UBE2W: variants seen among roughly 807,000 people sequenced by gnomAD.
The protein encoded by UBE2W is ubiquitin conjugating enzyme E2 W, also known as ubiquitin-conjugating enzyme E2 W.
UBE2W carries 18 observed loss-of-function variants against 27.2 expected under a neutral mutation model. The ratio of observed to expected loss-of-function variants is 0.66; its 90% CI spans 0.46 to 0.98. The LOEUF (loss-of-function observed/expected upper bound fraction) is 0.98. Among genes scored for constraint, UBE2W ranks in the 50% least tolerant of loss-of-function variants. The probability of loss-of-function intolerance (pLI) is 0.00; values close to 1 mark genes in which losing one functional copy is unlikely to be tolerated. For synonymous variants in UBE2W, 53 were observed against 57.2 expected (o/e 0.93, Z 0.33); for missense variants, 90 against 180.2 (o/e 0.50, Z 2.87).
chr8:73,787,414 T>A lies in UBE2W; in HGVS notation c.*6688A>T, dbSNP rs1586428477. ...AAATCCTACTATGGAAAGTAGAAAT[T>A]AAGGATTATAATAAAGGAAAAGGGC... On this transcript the variant is annotated 3_prime_UTR_variant, in exon 6 of 6. Transcript: ENST00000602593. 1.0e-6 allele frequency: 1 copy of A among 985,298 alleles called. No individual in the cohort carries two copies. The allele number at this position is 985,298 out of a possible 1,614,324, so 61.0% of individuals were successfully genotyped here.
intron 5 of UBE2W, among the ~76,000 whole-genome samples, chr8:73,799,340 A>G (rs1450424715): frequency 6.6e-6 from 1 of 152,056 alleles, no homozygotes; most frequent in Non-Finnish European, 1.5e-5. Flanking sequence ...AATAATGTAG[A>G]AAACCACAAA....
chr8:73,859,549 C>G (rs1382816294), intron 1 of UBE2W, among the ~76,000 whole-genome samples: 1 of 152,122 alleles, frequency 6.6e-6, no homozygotes, highest in African/African-American at 2.4e-5. Context: ...CATTTTTTCT[C>G]TATCTTACTT....
At chr8:73,878,400 C>T (rs546529212) in intron 1 of UBE2W, among the ~76,000 whole-genome samples, 1 of 152,344 alleles carries the variant, frequency 6.6e-6, no homozygotes, top group Non-Finnish European at 1.5e-5. Context: ...CCGCCCCTGC[C>T]CCGGCAACAA....
rs1015232386 is a variant in UBE2W at position 73,878,839 on chromosome 8, C to T, written c.-17G>A. On this transcript the variant is annotated 5_prime_UTR_variant, in exon 1 of 6. Coordinates refer to ENST00000602593, the MANE Select transcript of UBE2W (RefSeq NM_018299.6). ...TGACGCCATGATGGAACCATCCCCC[C>T]AAGACCGGCGAGGCCAGAGACGCAG... 5 of 1,549,450 alleles carry T rather than the reference C, an allele frequency of 3.2e-6. No homozygotes were observed. In the South Asian group the frequency reaches 3.6e-5, roughly 11 times the overall value.
intron 3 of UBE2W, among the ~76,000 whole-genome samples, chr8:73,820,728 C>T (rs370272827): frequency 1.3e-5 from 2 of 150,964 alleles, no homozygotes; most frequent in East Asian, 3.9e-4. Context: ...GGCAACAGAG[C>T]GAGACTCTGT....
chr8:73,827,361 G>A (rs920538812), intron 2 of UBE2W, among the ~76,000 whole-genome samples: 1 of 151,878 alleles, frequency 6.6e-6, no homozygotes, highest in Admixed American at 6.6e-5. Context: ...TTACAGGCAT[G>A]AGCCACCACA....
chr8:73,806,665 T>C (rs1166869826), intron 4 of UBE2W, among the ~76,000 whole-genome samples: 1 of 152,060 alleles, frequency 6.6e-6, no homozygotes, highest in African/African-American at 2.4e-5. Flanking sequence ...TGAGCCGAGA[T>C]TGCGCCACTG....
At chr8:73,803,700 A>T (rs192832336) in intron 5 of UBE2W, among the ~76,000 whole-genome samples, 1 of 150,882 alleles carries the variant, frequency 6.6e-6, no homozygotes, top group Admixed American at 6.6e-5. Context: ...TTTCTTATTG[A>T]TATTACCCCA....
Position 73,791,834 on chromosome 8 carries a change from G to A in UBE2W, c.*2268C>T. 3 of 984,504 alleles carry A rather than the reference G, an allele frequency of 3.0e-6. No homozygotes were observed. The highest frequency in any genetic ancestry group is 3.6e-6 in the Non-Finnish European group (3 of 829,266). The allele number at this position is 984,504 out of a possible 1,614,324, so 61.0% of individuals were successfully genotyped here. ...TTCATTTTCCTCTACTTTCCTCTGT[G>A]TCATTTTAGTTTACTTTATGGTATT... On this transcript the variant is annotated 3_prime_UTR_variant, in exon 6 of 6. Coordinates refer to ENST00000602593, the MANE Select transcript of UBE2W (RefSeq NM_018299.6).
chr8:73,833,669 A>G (rs1302101681), intron 1 of UBE2W: 17 of 152,204 alleles, frequency 1.1e-4, no homozygotes, highest in Non-Finnish European at 1.5e-5. Flanking sequence ...AACAAAACAA[A>G]ACAAAACACA....
intron 1 of UBE2W, among the ~76,000 whole-genome samples, chr8:73,866,881 T>C (rs1309178733): frequency 6.6e-6 from 1 of 151,598 alleles, no homozygotes; most frequent in African/African-American, 2.4e-5. Flanking sequence ...GGCAGGCACC[T>C]GTAGTCCCAG....
intron 1 of UBE2W, among the ~76,000 whole-genome samples, chr8:73,838,337 T>C (rs1290348088): frequency 6.6e-6 from 1 of 152,160 alleles, no homozygotes; most frequent in Non-Finnish European, 1.5e-5. Flanking sequence ...TGTCAATGTA[T>C]TGGGACATAC....
At chr8:73,862,096 A>T (rs1244972357) in intron 1 of UBE2W, among the ~76,000 whole-genome samples, 1 of 152,202 alleles carries the variant, frequency 6.6e-6, no homozygotes, top group Non-Finnish European at 1.5e-5. Context: ...AAATTCCTGC[A>T]TTGTAGTGAA....
At position 73,793,550 on chromosome 8, in the gene UBE2W, A is replaced by T; in HGVS notation, c.*552T>A. 1 of 985,898 alleles carries T rather than the reference A, an allele frequency of 1.0e-6. No homozygotes were observed. The allele number at this position is 985,898 out of a possible 1,614,324, so 61.1% of individuals were successfully genotyped here. On this transcript the variant is annotated 3_prime_UTR_variant, in exon 6 of 6. Coordinates refer to ENST00000602593, the MANE Select transcript of UBE2W (RefSeq NM_018299.6). ...TACAGTCCTTTAAAGACGCATGTTA[A>T]TTCATGCTGTTAACCTTAGGATCAC...
chr8:73,808,292 G>A (rs902112057), intron 4 of UBE2W, among the ~76,000 whole-genome samples: 27 of 152,178 alleles, frequency 1.8e-4, no homozygotes, highest in African/African-American at 6.5e-4. Context: ...TTGGAGTGCA[G>A]TGGCGTGATA....
chr8:73,805,774 AG>A (rs1188064842), intron 4 of UBE2W, 48 bp from the exon 5 acceptor site: 1 of 1,141,920 alleles, frequency 8.8e-7, no homozygotes, highest in Non-Finnish European at 1.2e-6. Context: ...AAAAACTGAG[AG>A]GGTGACAGTT....
intron 5 of UBE2W, among the ~76,000 whole-genome samples, chr8:73,801,412 T>C (rs1808638484): frequency 6.6e-6 from 1 of 152,178 alleles, no homozygotes; most frequent in Non-Finnish European, 1.5e-5. Flanking sequence ...ATGTGTACTT[T>C]TAAAAAAACT....
chr8:73,806,759 T>C (rs1808926937), intron 4 of UBE2W, among the ~76,000 whole-genome samples: 1 of 152,074 alleles, frequency 6.6e-6, no homozygotes, highest in African/African-American at 2.4e-5. Context: ...GGGAGAAGTA[T>C]AGCAATGTAC....
intron 5 of UBE2W, among the ~76,000 whole-genome samples, chr8:73,798,748 T>C (rs2130852209): frequency 6.6e-6 from 1 of 152,328 alleles, no homozygotes; most frequent in East Asian, 1.9e-4. Flanking sequence ...CAAGAACAAT[T>C]ATCATGTCTG....
Sources: allele counts gnomAD v4.1 joint callset (sites outside exome capture counted in the v4.1 genomes callset), GRCh38; gene constraint gnomAD v4.1.1; transcripts MANE v1.5; gene names NCBI Gene and HGNC (gene_info 2026-07-23, HGNC 2026-07-21).